The following AGRN variants were observed in gnomAD, a reference collection of about 807,000 sequenced individuals.
AGRN encodes agrin, also known as agrin proteoglycan.
In AGRN, 106 loss-of-function variants were observed where a neutral mutation model predicts 211.0. The ratio of observed to expected loss-of-function variants is 0.50; its 90% CI spans 0.43 to 0.59. AGRN has a LOEUF of 0.59. Among genes scored for constraint, AGRN ranks in the 20% least tolerant of loss-of-function variants. AGRN has a pLI of 0.00. For synonymous variants in AGRN, 1,525 were observed against 1,332.5 expected, an observed-to-expected ratio of 1.14 and a Z score of -3.15; for missense variants, 3,040 against 2,982.6, an observed-to-expected ratio of 1.02 and a Z score of -0.45.
At chr1:1,039,312 G>C (rs933310321) in intron 3 of AGRN, among the ~76,000 whole-genome samples, 1 of 151,926 alleles carries the variant, frequency 6.6e-6, no homozygotes, top group Non-Finnish European at 1.5e-5. Flanking sequence ...TCTGGGGTGG[G>C]GGCAGGGACA....
In AGRN at chr1:1,045,402, T is replaced by C; in HGVS notation, c.2415T>C (p.Cys805=). Residue 805 remains cysteine (C), a synonymous_variant, in exon 14 of 36, where the codon TGT becomes TGC. Coordinates refer to ENST00000379370, the MANE Select transcript of AGRN (RefSeq NM_198576.4). The part of the protein sequence containing the change: ...CNPHGSYGGT[C]DPATGQCSCR... ...CCCATGGCTCTTACGGCGGCACCTG[T>C]GACCCAGCCACAGGCCAGTGCTCCT... The C allele has an allele frequency of 6.2e-7, 1 of 1,611,294 alleles. No individual in the cohort carries two copies. Among genetic ancestry groups the C allele is most frequent in the Non-Finnish European group, 8.5e-7 (1 of 1,179,738 alleles).
chr1:1,038,453 C>T (rs953674525), intron 3 of AGRN, among the ~76,000 whole-genome samples: 1 of 152,260 alleles, frequency 6.6e-6, no homozygotes, highest in African/African-American at 2.4e-5. Context: ...TCCAGCCCCG[C>T]TCACCCTGGT....
intron 33 of AGRN, 152 bp from the exon 34 acceptor site, chr1:1,053,600 CT>C (rs1167524226): frequency 6.7e-7 from 1 of 1,498,714 alleles, no homozygotes; most frequent in Non-Finnish European, 9.0e-7. Flanking sequence ...CATCCCTCTT[CT>C]CCCTCCCACT....
Position 1,053,746 on chromosome 1 carries a change from C to CCT in AGRN, c.5652-5_5652-4dup. The stretch of plus-strand genomic sequence containing the variant: ...CTAGAGGCCCTGACCTGCCCTCTGC[C>CCT]CTCCAGCGAGAAGGCACTGCAGAGC... On this transcript the variant is annotated splice_region_variant and splice_polypyrimidine_tract_variant and intron_variant, in intron 33 of 35. Coordinates refer to ENST00000379370, the MANE Select transcript of AGRN (RefSeq NM_198576.4). The CCT allele has an allele frequency of 6.3e-7, 1 of 1,593,762 alleles. No homozygotes were observed. The highest frequency in any genetic ancestry group is 8.5e-7 in the Non-Finnish European group (1 of 1,171,084).
In AGRN at chr1:1,055,143, A is replaced by T. The variant is rs1645420686; in HGVS notation, c.*162A>T. The T allele has an allele frequency of 2.7e-5, 31 of 1,163,798 alleles. No individual in the cohort carries two copies. The South Asian group carries it at 3.8e-4, about 14-fold the overall frequency. 72.1% of individuals were successfully genotyped at this position (1,163,798 alleles called of 1,614,324 possible). A position where few individuals can be genotyped will look rare whatever the true frequency, so the allele number is the denominator to read the frequency against. On this transcript the variant is annotated 3_prime_UTR_variant, in exon 36 of 36. Coordinates refer to ENST00000379370, the MANE Select transcript of AGRN (RefSeq NM_198576.4). ...CTGCAGACAGACCTAGTGCCGAGGG[A>T]TGGACAGGCGAGGTGGCAGCGTGGA... is the stretch of plus-strand genomic sequence containing the variant.
chr1:1,041,336 G>C lies in AGRN; in HGVS notation c.891G>C (p.Gln297His). 6.5e-7 allele frequency: 1 copy of C among 1,528,246 alleles called. No individual in the cohort carries two copies. Among genetic ancestry groups the C allele is most frequent in the Non-Finnish European group, 8.7e-7 (1 of 1,144,376 alleles). The allele number at this position is 1,528,246 out of a possible 1,614,324, so 94.7% of individuals were successfully genotyped here. The change falls in exon 5 of 36, where the codon CAG becomes CAC. Residue 297 changes from glutamine (Q) to histidine (H), a missense_variant. Gln to His is a conservative substitution (Grantham distance 24). Around this residue, in one of 3 missense-constraint regions of AGRN, gnomAD observed 1,498 missense variants for 1,457.8 expected, o/e 1.03. Coordinates refer to ENST00000379370, the MANE Select transcript of AGRN (RefSeq NM_198576.4). ...SDGADYPGEC[Q>H]LLRRACARQE... ...GCGCCGACTACCCCGGCGAGTGCCA[G>C]CTCCTGCGCCGCGCCTGCGCCCGCC...
At chr1:1,038,975 G>T (rs2488997) in intron 3 of AGRN, among the ~76,000 whole-genome samples, 1 of 152,018 alleles carries the variant, frequency 6.6e-6, no homozygotes, top group African/African-American at 2.4e-5. Flanking sequence ...TATACTTACA[G>T]TGGCAGCAGA....
At chr1:1,027,002 C>T (rs1644534271) in intron 2 of AGRN, among the ~76,000 whole-genome samples, 1 of 152,176 alleles carries the variant, frequency 6.6e-6, no homozygotes, top group Non-Finnish European at 1.5e-5. Context: ...GAGCCTGCAG[C>T]ACTGAGGGAA....
At chr1:1,040,175 G>A (rs1391604651) in intron 3 of AGRN, among the ~76,000 whole-genome samples, 2 of 152,200 alleles carry the variant, frequency 1.3e-5, no homozygotes, top group Non-Finnish European at 2.9e-5. Context: ...GCTGGACGCT[G>A]CAGCAGCGCG....
intron 6 of AGRN, 58 bp downstream of exon 6, chr1:1,041,760 C>T (rs529478088): frequency 6.8e-7 from 1 of 1,476,362 alleles, no homozygotes; most frequent in East Asian, 2.5e-5. Context: ...GTGGGCGGCT[C>T]CCCCGGGGGA....
At position 1,046,393 on chromosome 1, in the gene AGRN, G is replaced by T; in HGVS notation, c.2912-4G>T. The T allele has an allele frequency of 5.0e-6, 8 of 1,610,810 alleles. No individual in the cohort carries two copies. The highest frequency in any genetic ancestry group is 6.8e-6 in the Non-Finnish European group (8 of 1,179,184). On this transcript the variant is annotated splice_polypyrimidine_tract_variant and splice_region_variant and intron_variant, in intron 17 of 35. Transcript: ENST00000379370. ...TCCCCCCGCCAACCTCCCTCTCCTT[G>T]CAGAGGCTGTTGCTCCCAGCACTCA... is the stretch of plus-strand genomic sequence containing the variant.
intron 2 of AGRN, among the ~76,000 whole-genome samples, chr1:1,023,656 C>G (rs952704418): frequency 7.2e-5 from 11 of 152,174 alleles, no homozygotes; most frequent in Non-Finnish European, 1.6e-4. Flanking sequence ...GGTCACTAAC[C>G]CCACAGCCAG....
At chr1:1,035,156 C>A in intron 2 of AGRN, 121 bp from the exon 3 acceptor site, 15 of 1,091,386 alleles carry the variant, frequency 1.4e-5, no homozygotes, top group Admixed American at 2.2e-5. Flanking sequence ...GCCTGGATCC[C>A]TGGGGCTAGC....
intron 3 of AGRN, 105 bp from the exon 4 acceptor site, chr1:1,040,560 G>C (rs1016816580): frequency 7.3e-6 from 10 of 1,364,304 alleles, no homozygotes; most frequent in Non-Finnish European, 9.0e-6. Context: ...ATGCGGCGCG[G>C]GGGCGGGTGA....
chr1:1,044,809 G>T (rs114879738), intron 12 of AGRN, among the ~76,000 whole-genome samples: 2 of 152,216 alleles, frequency 1.3e-5, no homozygotes, highest in South Asian at 2.1e-4. Context: ...CTGCAGAGGG[G>T]CGTTAACTGT....
intron 2 of AGRN, among the ~76,000 whole-genome samples, chr1:1,024,693 T>C (rs1644480604): frequency 6.6e-6 from 1 of 152,126 alleles, no homozygotes; most frequent in Non-Finnish European, 1.5e-5. Context: ...GAGGACTTCC[T>C]TTCCTCAGTT....
Position 1,049,699 on chromosome 1 carries a change from G to A in AGRN, c.4648G>A (p.Asp1550Asn), listed in dbSNP as rs778121160. The A allele has an allele frequency of 2.2e-5, 34 of 1,575,314 alleles. No individual in the cohort carries two copies. The highest frequency in any genetic ancestry group is 2.7e-5 in the Non-Finnish European group (31 of 1,162,054). ...AGGCTCTGGCGTGGGCGAGTGCGGG[G>A]ACCACCCCTGCCTGCCCAACCCCTG... Reference protein sequence around the residue: ...TRGSGVGECGDHPCLPNPCHG... With the variant: ...TRGSGVGECGNHPCLPNPCHG... The change falls in exon 26 of 36, where the codon GAC becomes AAC. Residue 1550 changes from aspartate to asparagine, a missense_variant. By Grantham distance (23) the Asp-to-Asn change is conservative. Around this residue, in one of 3 missense-constraint regions of AGRN, gnomAD observed 1,537 missense variants for 1,505.0 expected, o/e 1.02. Transcript: ENST00000379370.
rs767200294 is a variant in AGRN at position 1,049,257 on chromosome 1, G to A, written c.4320G>A (p.Pro1440=). 25 of 1,589,436 alleles carry A rather than the reference G, an allele frequency of 1.6e-5. No individual in the cohort carries two copies. The highest frequency in any genetic ancestry group is 6.8e-5 in the Admixed American group (4 of 59,168). Residue 1440 remains proline, a synonymous_variant, in exon 25 of 36, where the codon CCG becomes CCA. Transcript: ENST00000379370. ...VQLRFDTGSG[P]AVLTSAVPVE... ...TCAGGTTTGACACAGGTTCGGGGCC[G>A]GCGGTGCTGACCAGTGCCGTGCCGG...
chr1:1,025,382 G>C (rs572497698), intron 2 of AGRN, among the ~76,000 whole-genome samples: 1 of 152,170 alleles, frequency 6.6e-6, no homozygotes, highest in Non-Finnish European at 1.5e-5. Context: ...AGAGTCCCAC[G>C]GCACCGGGGA....
Sources: gnomAD v4.1 joint callset for allele counts (sites outside exome capture counted in the v4.1 genomes callset) on GRCh38, gnomAD v4.1.1 for gene constraint, gnomAD v4.1.1 regional missense constraint, MANE v1.5 for transcripts, NCBI Gene and HGNC (gene_info 2026-07-23, HGNC 2026-07-21) for gene names.